TAFA1: variants seen among roughly 807,000 people sequenced by gnomAD.
The protein encoded by TAFA1 is chemokine-like protein TAFA-1.
Under a neutral mutation model 18.5 loss-of-function variants are expected in TAFA1, and 4 were observed. The ratio of observed to expected loss-of-function variants is 0.22; its 90% CI spans 0.11 to 0.49. TAFA1 has a LOEUF of 0.49. Ranked by LOEUF, TAFA1 falls within the 20% of genes least tolerant of loss-of-function variation. TAFA1 has a pLI of 0.98. For missense variants in TAFA1, 147 were observed against 169.0 expected, an observed-to-expected ratio of 0.87 and a Z score of 0.72; for synonymous variants, 56 against 55.2, an observed-to-expected ratio of 1.01 and a Z score of -0.06.
At chr3:68,336,806 C>T (rs1466058520) in intron 2 of TAFA1, among the ~76,000 whole-genome samples, 1 of 152,208 alleles carries the variant, frequency 6.6e-6, no homozygotes, top group East Asian at 1.9e-4. Flanking sequence ...TCAGTGCATC[C>T]TCTGTCTCCC....
intron 2 of TAFA1, among the ~76,000 whole-genome samples, chr3:68,180,072 G>T (rs1347755741): frequency 1.4e-5 from 2 of 146,204 alleles, no homozygotes; most frequent in Non-Finnish European, 3.0e-5. Flanking sequence ...CTGTCACCCA[G>T]GCTGGAGTGC....
At chr3:68,189,492 C>G (rs934893511) in intron 2 of TAFA1, among the ~76,000 whole-genome samples, 1 of 151,800 alleles carries the variant, frequency 6.6e-6, no homozygotes, top group Non-Finnish European at 1.5e-5. Context: ...AATATGCCTG[C>G]CCTCTCAGAG....
chr3:68,348,253 G>C lies in TAFA1; in HGVS notation c.119-69027G>C, dbSNP rs117422745. Among the ~76,000 whole-genome samples, 130 of 152,200 alleles carry C rather than the reference G, an allele frequency of 8.5e-4. 2 individuals are homozygous for C. The East Asian group carries it at 0.019, about 22-fold the overall frequency. On this transcript the variant is annotated intron_variant, in intron 2 of 4. Coordinates refer to ENST00000478136, the MANE Select transcript of TAFA1 (RefSeq NM_213609.4). ...GTAAAAATTAAATAACATAATGTAT[G>C]TAAAAATGCTCACTGCAGAGCTTTG...
At chr3:68,199,591 A>G (rs1318069704) in intron 2 of TAFA1, among the ~76,000 whole-genome samples, 1 of 151,472 alleles carries the variant, frequency 6.6e-6, no homozygotes, top group African/African-American at 2.4e-5. Flanking sequence ...TGTACTAAGT[A>G]TTTCATTTTG....
intron 2 of TAFA1, among the ~76,000 whole-genome samples, chr3:68,405,097 T>A (rs1262673455): frequency 6.6e-6 from 1 of 152,174 alleles, no homozygotes; most frequent in Admixed American, 6.6e-5. Flanking sequence ...AGAGTCATCA[T>A]ATTGCAGTGT....
At position 68,134,633 on chromosome 3, in the gene TAFA1, A is replaced by G. The variant is rs922109073; in HGVS notation, c.118+127889A>G. On this transcript the variant is annotated intron_variant, in intron 2 of 4. Coordinates refer to ENST00000478136, the MANE Select transcript of TAFA1 (RefSeq NM_213609.4). ...AGCTTTAAAAAAAGCTGACATCCAG[A>G]AAGTTAGACTTTGCTCAGTGCTTCT... Among the ~76,000 whole-genome samples, 3 of 152,190 alleles carry G rather than the reference A, an allele frequency of 2.0e-5. No homozygotes were observed. The South Asian group carries it at 6.2e-4, about 31-fold the overall frequency.
At chr3:68,011,803 T>G (rs1331510203) in intron 2 of TAFA1, among the ~76,000 whole-genome samples, 1 of 152,200 alleles carries the variant, frequency 6.6e-6, no homozygotes, top group East Asian at 1.9e-4. Flanking sequence ...TTGATCCTAT[T>G]GACCTCATCG....
At chr3:68,382,464 A>G (rs148978029) in intron 2 of TAFA1, among the ~76,000 whole-genome samples, 3 of 152,142 alleles carry the variant, frequency 2.0e-5, no homozygotes, top group East Asian at 3.9e-4. Flanking sequence ...AGCACTATTT[A>G]TTTAATAGGG....
At chr3:68,199,337 A>G (rs2066447400) in intron 2 of TAFA1, among the ~76,000 whole-genome samples, 1 of 151,514 alleles carries the variant, frequency 6.6e-6, no homozygotes, top group Non-Finnish European at 1.5e-5. Flanking sequence ...CGTGTTGGCT[A>G]TTCTGACTCT....
intron 2 of TAFA1, among the ~76,000 whole-genome samples, chr3:68,172,272 T>C (rs2066065021): frequency 1.3e-5 from 2 of 152,122 alleles, no homozygotes; most frequent in Non-Finnish European, 2.9e-5. Context: ...CACCAGAAAT[T>C]ATGGAGGCTA....
At chr3:68,045,438 C>T (rs1242787166) in intron 2 of TAFA1, among the ~76,000 whole-genome samples, 1 of 152,078 alleles carries the variant, frequency 6.6e-6, no homozygotes, top group African/African-American at 2.4e-5. Flanking sequence ...TAATGTAATC[C>T]ACCATAGTTA....
chr3:68,446,524 C>A (rs1181422345), intron 3 of TAFA1, among the ~76,000 whole-genome samples: 1 of 152,028 alleles, frequency 6.6e-6, no homozygotes, highest in Non-Finnish European at 1.5e-5. Flanking sequence ...ATTATAAGGA[C>A]AAATCATTTA....
chr3:68,212,648 C>T (rs532951139), intron 2 of TAFA1, among the ~76,000 whole-genome samples: 2 of 152,048 alleles, frequency 1.3e-5, no homozygotes, highest in South Asian at 2.1e-4. Context: ...AGCTTTTATC[C>T]CCTTTCAGAA....
At chr3:68,122,765 A>G (rs2065416442) in intron 2 of TAFA1, among the ~76,000 whole-genome samples, 1 of 152,116 alleles carries the variant, frequency 6.6e-6, no homozygotes, top group Non-Finnish European at 1.5e-5. Context: ...TGCTTTTACC[A>G]TAACTTGCTT....
chr3:68,279,749 G>C (rs62248314), intron 2 of TAFA1, among the ~76,000 whole-genome samples: 1 of 152,004 alleles, frequency 6.6e-6, no homozygotes, highest in Non-Finnish European at 1.5e-5. Flanking sequence ...TATGGGCTTT[G>C]CTCTTGGGTG....
chr3:68,450,516 G>T (rs2071552968), intron 3 of TAFA1, among the ~76,000 whole-genome samples: 1 of 152,170 alleles, frequency 6.6e-6, no homozygotes, highest in South Asian at 2.1e-4. Flanking sequence ...AATGGCTCAT[G>T]GGCAGGTGCC....
chr3:68,246,754 A>C (rs1559575118), intron 2 of TAFA1: 1 of 152,154 alleles, frequency 6.6e-6, no homozygotes, highest in Non-Finnish European at 1.5e-5. Flanking sequence ...ATCATAGTGA[A>C]GTAGTTCCAC....
At chr3:68,068,123 G>T (rs1005448769) in intron 2 of TAFA1, among the ~76,000 whole-genome samples, 3 of 152,138 alleles carry the variant, frequency 2.0e-5, no homozygotes, top group African/African-American at 7.2e-5. Context: ...TTGTTGACTA[G>T]AGATTAGGAA....
At chr3:68,343,261 A>G (rs1404447231) in intron 2 of TAFA1, among the ~76,000 whole-genome samples, 1 of 152,180 alleles carries the variant, frequency 6.6e-6, no homozygotes, top group Non-Finnish European at 1.5e-5. Flanking sequence ...ACCCATGTAT[A>G]AATCTCCTGG....
Sources: gnomAD v4.1 joint callset for allele counts (sites outside exome capture counted in the v4.1 genomes callset) on GRCh38, gnomAD v4.1.1 for gene constraint, MANE v1.5 for transcripts, NCBI Gene and HGNC (gene_info 2026-07-23, HGNC 2026-07-21) for gene names.